The following RGS7 variants were observed in gnomAD, a reference collection of about 807,000 sequenced individuals.
The protein encoded by RGS7 is regulator of G-protein signaling 7.
A neutral mutation model predicts 81.1 loss-of-function variants in RGS7; 27 were observed. That is an observed-to-expected ratio of 0.33 (90% CI 0.25 to 0.46). RGS7 has a LOEUF of 0.46. Ranked by LOEUF, RGS7 falls within the 20% of genes least tolerant of loss-of-function variation. RGS7 has a pLI of 1.00. For missense variants in RGS7, 396 were observed against 607.4 expected (o/e 0.65, Z 3.66); for synonymous variants, 208 against 207.7 (o/e 1.00, Z -0.01).
At chr1:241,342,931 C>T (rs754013819) in intron 2 of RGS7, among the ~76,000 whole-genome samples, 36 of 152,062 alleles carry the variant, frequency 2.4e-4, no homozygotes, top group Admixed American at 7.2e-4. Context: ...TCAAATGGTG[C>T]AGCCACTAGA....
intron 2 of RGS7, among the ~76,000 whole-genome samples, chr1:241,113,318 G>C (rs34457963): frequency 6.6e-6 from 1 of 152,132 alleles, no homozygotes; most frequent in African/African-American, 2.4e-5. Context: ...ACGAACATCA[G>C]AAGGTCATGG....
At chr1:241,077,138 T>C (rs2062849334) in intron 3 of RGS7, among the ~76,000 whole-genome samples, 1 of 152,206 alleles carries the variant, frequency 6.6e-6, no homozygotes, top group Non-Finnish European at 1.5e-5. Context: ...ACATAATTTT[T>C]GTAAGAAAAG....
intron 2 of RGS7, among the ~76,000 whole-genome samples, chr1:241,128,095 G>A (rs181506184): frequency 2.0e-4 from 30 of 151,518 alleles, no homozygotes; most frequent in African/African-American, 6.8e-4. Flanking sequence ...TGACTAACAT[G>A]GTGAAACCCC....
intron 2 of RGS7, among the ~76,000 whole-genome samples, chr1:241,247,650 T>C (rs1391272602): frequency 6.6e-6 from 1 of 152,062 alleles, no homozygotes; most frequent in Non-Finnish European, 1.5e-5. Context: ...GAGATGCAGA[T>C]TGGATTTAAC....
intron 2 of RGS7, among the ~76,000 whole-genome samples, chr1:241,250,791 A>G (rs1241446722): frequency 2.0e-5 from 3 of 152,248 alleles, no homozygotes; most frequent in African/African-American, 7.2e-5. Context: ...ACCTGTATAA[A>G]CCAAGAAATA....
At chr1:240,875,239 T>A (rs1048740399) in intron 6 of RGS7, among the ~76,000 whole-genome samples, 5 of 152,176 alleles carry the variant, frequency 3.3e-5, no homozygotes, top group African/African-American at 1.2e-4. Context: ...TTTGCTTCTA[T>A]GAGATAAACT....
chr1:241,038,903 G>A (rs1420964915), intron 3 of RGS7, among the ~76,000 whole-genome samples: 3 of 151,946 alleles, frequency 2.0e-5, no homozygotes, highest in South Asian at 2.1e-4. Flanking sequence ...GGAGTTTAAG[G>A]GTGCAGTGAG....
intron 3 of RGS7, among the ~76,000 whole-genome samples, chr1:241,085,302 G>A (rs531951661): frequency 6.6e-6 from 1 of 152,292 alleles, no homozygotes; most frequent in East Asian, 1.9e-4. Context: ...TCCTAGCTAG[G>A]TTAATATGGA....
chr1:240,918,363 C>A (rs1055049164), intron 6 of RGS7, among the ~76,000 whole-genome samples: 1 of 152,020 alleles, frequency 6.6e-6, no homozygotes, highest in Non-Finnish European at 1.5e-5. Context: ...ATAAGACACA[C>A]CTTAAAAATG....
chr1:241,166,558 A>G (rs2070265068), intron 2 of RGS7, among the ~76,000 whole-genome samples: 1 of 152,106 alleles, frequency 6.6e-6, no homozygotes, highest in African/African-American at 2.4e-5. Flanking sequence ...GGGTGTAAAA[A>G]CTTCCTAGAA....
chr1:240,980,715 C>T (rs1684785607), intron 4 of RGS7, among the ~76,000 whole-genome samples: 1 of 152,172 alleles, frequency 6.6e-6, no homozygotes, highest in South Asian at 2.1e-4. Context: ...CAATCTGTTA[C>T]ATATTCAGAA....
intron 2 of RGS7, among the ~76,000 whole-genome samples, chr1:241,175,509 G>A (rs1340117660): frequency 6.6e-6 from 1 of 152,278 alleles, no homozygotes; most frequent in Admixed American, 6.5e-5. Flanking sequence ...TTTATTCCAA[G>A]GTTTATGAGT....
chr1:241,030,877 T>A (rs1299075311), intron 3 of RGS7, among the ~76,000 whole-genome samples: 1 of 152,216 alleles, frequency 6.6e-6, no homozygotes, highest in Non-Finnish European at 1.5e-5. Context: ...TAGGCTCAAC[T>A]GGGCCAGTCC....
At chr1:240,948,565 C>T (rs1381913869) in intron 4 of RGS7, among the ~76,000 whole-genome samples, 1 of 152,004 alleles carries the variant, frequency 6.6e-6, no homozygotes, top group Non-Finnish European at 1.5e-5. Context: ...GCCTCAGCCT[C>T]CTGAGTAGCT....
At chr1:240,783,329 C>T (rs1353907716) in intron 18 of RGS7, among the ~76,000 whole-genome samples, 1 of 152,096 alleles carries the variant, frequency 6.6e-6, no homozygotes. Context: ...ACTTTAAAAA[C>T]ATCATTCTTG....
intron 3 of RGS7, among the ~76,000 whole-genome samples, chr1:241,058,912 G>C (rs1262112968): frequency 4.6e-5 from 7 of 152,166 alleles, no homozygotes; most frequent in Non-Finnish European, 8.8e-5. Context: ...ATTCACCTCT[G>C]ATTTGCTCCT....
Position 241,335,318 on chromosome 1 carries a change from G to A in RGS7, c.78+20381C>T, listed in dbSNP as rs192378585. Among the ~76,000 whole-genome samples, 1,047 of 152,206 alleles carry A rather than the reference G, an allele frequency of 6.9e-3. 5 individuals are homozygous for A. The highest frequency in any genetic ancestry group is 0.011 in the Non-Finnish European group (733 of 68,014). ...AAATCAAGCCCCTAGTAATAATGTCGGGACCAGGATCTTTGGATTAGTTCT... is the reference window on the plus strand; with the variant it reads ...AAATCAAGCCCCTAGTAATAATGTCAGGACCAGGATCTTTGGATTAGTTCT... On this transcript the variant is annotated intron_variant, in intron 2 of 18. Transcript: ENST00000440928.
rs199684390 is a variant in RGS7 at position 240,967,578 on chromosome 1, G to A, written c.226+15501C>T. Among the ~76,000 whole-genome samples the A allele has an allele frequency of 1.5e-3, 216 of 147,494 alleles. 11 individuals are homozygous for A. Among genetic ancestry groups the A allele is most frequent in the South Asian group, 7.8e-3 (36 of 4,632 alleles). ...GATTGTGCCAAGAAGTGGGGGGGGGGGGGAAAAGGCTGTAGCAAGAGTATG... is the reference window on the plus strand; with the variant it reads ...GATTGTGCCAAGAAGTGGGGGGGGGAGGGAAAAGGCTGTAGCAAGAGTATG... On this transcript the variant is annotated intron_variant, in intron 4 of 18. Transcript: ENST00000440928.
chr1:241,202,629 T>C (rs1201925190), intron 2 of RGS7, among the ~76,000 whole-genome samples: 1 of 152,192 alleles, frequency 6.6e-6, no homozygotes, highest in African/African-American at 2.4e-5. Flanking sequence ...CTGTTTAGAT[T>C]TCTGGGCCTC....
Sources: gnomAD v4.1 joint callset for allele counts (sites outside exome capture counted in the v4.1 genomes callset) on GRCh38, gnomAD v4.1.1 for gene constraint, MANE v1.5 for transcripts, NCBI Gene and HGNC (gene_info 2026-07-23, HGNC 2026-07-21) for gene names.